The following GLYATL1 variants were observed in gnomAD, a reference collection of about 807,000 sequenced individuals.
The protein encoded by GLYATL1 is glycine N-acyltransferase-like protein 1.
In GLYATL1, 15 loss-of-function variants were observed where a neutral mutation model predicts 20.0. The observed-to-expected ratio is 0.75, with a 90% confidence interval of 0.50 to 1.15. GLYATL1 has a LOEUF of 1.15. GLYATL1 is among the 50% of genes most tolerant of loss of function. The pLI, the probability that GLYATL1 is intolerant of heterozygous loss-of-function variation, is 0.00. For synonymous variants in GLYATL1, 151 were observed against 131.5 expected, an observed-to-expected ratio of 1.15 and a Z score of -1.01; for missense variants, 380 against 368.5, an observed-to-expected ratio of 1.03 and a Z score of -0.26.
chr11:58,938,560 A>T (rs914933298), upstream of GLYATL1, among the ~76,000 whole-genome samples: 1 of 152,172 alleles, frequency 6.6e-6, no homozygotes, highest in Non-Finnish European at 1.5e-5. Flanking sequence ...ACTGAGTACA[A>T]TGGGACTGAT....
Position 58,908,498 on chromosome 11 carries a change from C to T in GLYATL1, n.1496C>T, listed in dbSNP as rs1038576406. Reference sequence around the variant, plus strand: ...TCCATGAAGACTGAAGGGAACAAGTCATTTAGTGCTACAGAGGATGACCAG... The same window carrying T: ...TCCATGAAGACTGAAGGGAACAAGTTATTTAGTGCTACAGAGGATGACCAG... On this transcript the variant is annotated non_coding_transcript_exon_variant, in exon 2 of 2. Transcript: ENST00000524629. 1.4e-5 allele frequency: 3 copies of T among 211,622 alleles called. No homozygotes were observed. In the East Asian group the frequency reaches 3.4e-4, roughly 24 times the overall value. 13.1% of individuals were successfully genotyped at this position (211,622 alleles called of 1,614,324 possible).
downstream of GLYATL1, among the ~76,000 whole-genome samples, chr11:58,911,747 C>A (rs2134649668): frequency 6.6e-6 from 1 of 152,230 alleles, no homozygotes; most frequent in South Asian, 2.1e-4. Context: ...GTGATATTTG[C>A]TGATTCTTAT....
intron 1 of GLYATL1, among the ~76,000 whole-genome samples, chr11:58,919,343 G>T (rs1444368236): frequency 5.3e-5 from 8 of 152,204 alleles, no homozygotes; most frequent in Non-Finnish European, 1.2e-4. Flanking sequence ...GGCAAGACCT[G>T]ATCCCACCTC....
intron 2 of GLYATL1, chr11:58,946,798 A>T (rs1372043353): frequency 1.8e-6 from 1 of 541,242 alleles, no homozygotes; most frequent in African/African-American, 1.9e-5. Context: ...TTCACTTTTA[A>T]TTCTTTCCAC....
downstream of GLYATL1, among the ~76,000 whole-genome samples, chr11:58,909,410 T>C (rs1204198983): frequency 6.6e-6 from 1 of 152,190 alleles, no homozygotes; most frequent in Admixed American, 6.5e-5. Context: ...AAGTAATAAA[T>C]GAGGGCAGAA....
At position 58,956,080 on chromosome 11, in the gene GLYATL1, G is replaced by C; in HGVS notation, c.*53G>C. ...CAAGCCATCTCTTAATATTAAAGCA[G>C]ACACCACAGAATAGATTTCTTCACT... On this transcript the variant is annotated 3_prime_UTR_variant, in exon 7 of 7. Coordinates refer to ENST00000532726, the MANE Select transcript of GLYATL1 (RefSeq NM_001389712.2). The C allele has an allele frequency of 6.8e-7, 1 of 1,470,408 alleles. No individual in the cohort carries two copies. Among genetic ancestry groups the C allele is most frequent in the Non-Finnish European group, 9.4e-7 (1 of 1,066,530 alleles). The allele number at this position is 1,470,408 out of a possible 1,614,324, so 91.1% of individuals were successfully genotyped here.
At chr11:58,917,748 C>T (rs1329033088) in intron 1 of GLYATL1, among the ~76,000 whole-genome samples, 1 of 152,190 alleles carries the variant, frequency 6.6e-6, no homozygotes, top group Non-Finnish European at 1.5e-5. Flanking sequence ...AATCTATAAA[C>T]TCATAAGTTT....
At chr11:58,945,121 G>A (rs1237828640) in intron 2 of GLYATL1, among the ~76,000 whole-genome samples, 1 of 151,096 alleles carries the variant, frequency 6.6e-6, no homozygotes, top group African/African-American at 2.4e-5. Context: ...GGGTATAGTT[G>A]CCATTTAGGA....
chr11:58,950,523 C>A (rs559984591), intron 4 of GLYATL1, among the ~76,000 whole-genome samples: 1 of 152,170 alleles, frequency 6.6e-6, no homozygotes, highest in Non-Finnish European at 1.5e-5. Flanking sequence ...TACAAACAAG[C>A]TTCAATAAAC....
chr11:58,929,277 C>A (rs1268977475), intron 1 of GLYATL1, among the ~76,000 whole-genome samples: 1 of 152,112 alleles, frequency 6.6e-6, no homozygotes, highest in Non-Finnish European at 1.5e-5. Context: ...TTAAGAAGTT[C>A]CCTTTTATTC....
At chr11:58,919,621 A>G (rs1160755971) in intron 1 of GLYATL1, among the ~76,000 whole-genome samples, 1 of 152,134 alleles carries the variant, frequency 6.6e-6, no homozygotes, top group Non-Finnish European at 1.5e-5. Context: ...GAAAGCCTCA[A>G]ACAACCCCGA....
intron 4 of GLYATL1, among the ~76,000 whole-genome samples, chr11:58,952,264 C>T (rs1437176947): frequency 6.6e-6 from 1 of 151,844 alleles, no homozygotes; most frequent in Non-Finnish European, 1.5e-5. Flanking sequence ...ATTTTTTTCT[C>T]CTCTAATTTA....
chr11:58,907,399 G>T (rs1335828682), exon 2 of GLYATL1: 2 of 456,078 alleles, frequency 4.4e-6, no homozygotes, highest in Admixed American at 2.3e-5. Flanking sequence ...AATTTAGGAC[G>T]CATCTCAGTT....
intron 1 of GLYATL1, among the ~76,000 whole-genome samples, chr11:58,929,013 T>C (rs1855507054): frequency 1.3e-5 from 2 of 152,240 alleles, no homozygotes; most frequent in African/African-American, 4.8e-5. Flanking sequence ...CTTCAGCCTG[T>C]TCAATTATTA....
At chr11:58,924,275 C>T (rs957694290), upstream of GLYATL1, among the ~76,000 whole-genome samples, 2 of 152,184 alleles carry the variant, frequency 1.3e-5, no homozygotes, top group Admixed American at 1.3e-4. Context: ...AAAGTAAATT[C>T]CATTAGGGGG....
chr11:58,910,869 A>T (rs1458557663), downstream of GLYATL1, among the ~76,000 whole-genome samples: 1 of 152,196 alleles, frequency 6.6e-6, no homozygotes, highest in East Asian at 1.9e-4. Flanking sequence ...CTTATGACAA[A>T]CACCTACAGT....
intron 1 of GLYATL1, chr11:58,905,755 TGGGC>T: frequency 1.2e-4 from 1 of 8,358 alleles, no homozygotes; most frequent in Admixed American, 1.3e-3. Flanking sequence ...GGTGGGCGGG[TGGGC>T]GCGCAGTCCC....
At chr11:58,951,949 T>C (rs1169688918) in intron 4 of GLYATL1, among the ~76,000 whole-genome samples, 1 of 152,166 alleles carries the variant, frequency 6.6e-6, no homozygotes, top group Non-Finnish European at 1.5e-5. Flanking sequence ...AATACTGTAA[T>C]CTACAAACAA....
chr11:58,917,386 A>C (rs1034338809), intron 1 of GLYATL1: 7 of 152,258 alleles, frequency 4.6e-5, no homozygotes, highest in Non-Finnish European at 1.5e-5. Flanking sequence ...CACTGGTCCC[A>C]GAACAAAGAC....
Sources: gnomAD v4.1 joint callset for allele counts (sites outside exome capture counted in the v4.1 genomes callset) on GRCh38, gnomAD v4.1.1 for gene constraint, MANE v1.5 for transcripts, NCBI Gene and HGNC (gene_info 2026-07-23, HGNC 2026-07-21) for gene names.